ST3GAL3: variants seen among roughly 807,000 people sequenced by gnomAD.
ST3GAL3 encodes the protein ST3 beta-galactoside alpha-2,3-sialyltransferase 3.
Under a neutral mutation model 50.1 loss-of-function variants are expected in ST3GAL3, and 21 were observed. The observed-to-expected ratio is 0.42, with a 90% CI of 0.30 to 0.60. The LOEUF is 0.60. Among genes scored for constraint, ST3GAL3 ranks in the 20% least tolerant of loss-of-function variants. The pLI, the probability that ST3GAL3 is intolerant of heterozygous loss-of-function variation, is 0.19. For synonymous variants in ST3GAL3, 183 were observed against 190.0 expected (o/e 0.96, Z 0.30); for missense variants, 353 against 489.4 (o/e 0.72, Z 2.63).
chr1:43,890,017 G>C (rs2076484174), intron 5 of ST3GAL3, among the ~76,000 whole-genome samples: 1 of 152,218 alleles, frequency 6.6e-6, no homozygotes, highest in African/African-American at 2.4e-5. Context: ...GCAGGAGGCT[G>C]AGGTGGAAGG....
intron 1 of ST3GAL3, among the ~76,000 whole-genome samples, chr1:43,724,536 A>G (rs1423770813): frequency 3.3e-5 from 5 of 152,054 alleles, no homozygotes; most frequent in Admixed American, 2.6e-4. Context: ...GAGTGTTACT[A>G]TATTTGAGGC....
At chr1:43,770,554 AGTT>A (rs1001112295) in intron 2 of ST3GAL3, among the ~76,000 whole-genome samples, 3 of 152,144 alleles carry the variant, frequency 2.0e-5, no homozygotes, top group East Asian at 1.9e-4. Context: ...TTGCTTGGAC[AGTT>A]GTTGTTTTTT....
intron 3 of ST3GAL3, among the ~76,000 whole-genome samples, chr1:43,796,389 AT>A (rs894788026): frequency 5.9e-5 from 9 of 152,330 alleles, no homozygotes; most frequent in Admixed American, 5.9e-4. Context: ...GCTTTAAGTT[AT>A]TTATGGACTT....
At chr1:43,824,610 T>A (rs1449356218) in intron 4 of ST3GAL3, 1 of 1,157,444 alleles carries the variant, frequency 8.6e-7, no homozygotes, top group African/African-American at 1.5e-5. Flanking sequence ...ATTGCAGGAT[T>A]TGGCTAGGTT....
chr1:43,712,274 G>C (rs149868781), intron 1 of ST3GAL3, among the ~76,000 whole-genome samples: 1 of 152,292 alleles, frequency 6.6e-6, no homozygotes, highest in East Asian at 1.9e-4. Flanking sequence ...ATCAGGTAAG[G>C]AGCCCTCAGA....
chr1:43,814,294 C>T (rs968659916), intron 3 of ST3GAL3, among the ~76,000 whole-genome samples: 19 of 152,208 alleles, frequency 1.2e-4, no homozygotes, highest in Admixed American at 2.6e-4. Flanking sequence ...GCTTCAACCT[C>T]ATTTTAGAAT....
At chr1:43,789,147 G>T (rs1289929603) in intron 2 of ST3GAL3, among the ~76,000 whole-genome samples, 2 of 152,168 alleles carry the variant, frequency 1.3e-5, no homozygotes, top group Non-Finnish European at 2.9e-5. Context: ...TTTTATTAAA[G>T]AACAGAGACA....
At chr1:43,833,487 G>A (rs987132772) in intron 4 of ST3GAL3, among the ~76,000 whole-genome samples, 1 of 152,074 alleles carries the variant, frequency 6.6e-6, no homozygotes, top group Non-Finnish European at 1.5e-5. Context: ...GCCAGACACC[G>A]TACTCAGTGC....
chr1:43,880,712 GT>G (rs917451778), intron 5 of ST3GAL3, among the ~76,000 whole-genome samples: 1 of 152,048 alleles, frequency 6.6e-6, no homozygotes, highest in Non-Finnish European at 1.5e-5. Context: ...CCTGCAGTTG[GT>G]TCTGTCCTCT....
intron 4 of ST3GAL3, among the ~76,000 whole-genome samples, chr1:43,823,019 C>G (rs1042505238): frequency 3.3e-5 from 5 of 152,206 alleles, no homozygotes; most frequent in Non-Finnish European, 5.9e-5. Flanking sequence ...AATCTGATAT[C>G]AGCAAACCTT....
rs1571527910 is a variant in ST3GAL3 at position 43,920,694 on chromosome 1, C to T, written c.892-88C>T. 20 of 1,611,428 alleles carry T rather than the reference C, an allele frequency of 1.2e-5. No homozygotes were observed. The South Asian group carries it at 1.5e-4, about 12-fold the overall frequency. The stretch of plus-strand genomic sequence containing the variant: ...CTCAGTCCTTGGGCATGGAGGCTAG[C>T]TCTAGGGAGCTTGGCTGAAGTCTCA... On this transcript the variant is annotated intron_variant, in intron 10 of 11. Coordinates refer to ENST00000347631, the MANE Select transcript of ST3GAL3 (RefSeq NM_006279.5).
At chr1:43,776,188 C>G (rs1697167127) in intron 2 of ST3GAL3, among the ~76,000 whole-genome samples, 1 of 152,182 alleles carries the variant, frequency 6.6e-6, no homozygotes, top group Admixed American at 6.5e-5. Context: ...AGAAATCCTG[C>G]AGCCATTTGC....
At chr1:43,858,253 A>G (rs951282048) in intron 5 of ST3GAL3, 6 of 1,288,896 alleles carry the variant, frequency 4.7e-6, no homozygotes, top group Non-Finnish European at 6.1e-6. Flanking sequence ...GAGTGATGAG[A>G]GATTGACTGG....
At position 43,899,545 on chromosome 1, in the gene ST3GAL3, A is replaced by C. The variant is rs894527014; in HGVS notation, c.562A>C (p.Asn188His). The C allele has an allele frequency of 1.1e-5, 17 of 1,612,906 alleles. No homozygotes were observed. The highest frequency in any genetic ancestry group is 1.4e-5 in the Non-Finnish European group (16 of 1,180,030). ...IDDYDIVVRL[N>H]SAPVKGFEKD... is the part of the protein sequence containing the mutation. ...GAGTGGGCCTGCTCTCTGTAGACTG[A>C]ATTCAGCACCAGTGAAAGGCTTTGA... The change falls in exon 9 of 12, where the codon AAT becomes CAT. Residue 188 changes from asparagine to histidine, a missense_variant. Transcript: ENST00000347631. The surrounding 1 kb of genome is among the most constrained non-coding windows in gnomAD (Gnocchi z 5.4).
rs537778059 is a variant in ST3GAL3 at position 43,791,954 on chromosome 1, G to A, written c.119-148G>A. On this transcript the variant is annotated intron_variant, in intron 2 of 11. Coordinates refer to ENST00000347631, the MANE Select transcript of ST3GAL3 (RefSeq NM_006279.5). ...CAGGGTCTCCTGGCTCAGTGGATGGGTGGGCATGGGCCTGGGAGGCTGGGC... is the reference window on the plus strand; with the variant it reads ...CAGGGTCTCCTGGCTCAGTGGATGGATGGGCATGGGCCTGGGAGGCTGGGC... The A allele has an allele frequency of 8.5e-5, 75 of 878,850 alleles. 1 individual carries two copies. The highest frequency in any genetic ancestry group is 6.2e-4 in the Admixed American group (32 of 51,908). 54.4% of individuals were successfully genotyped at this position (878,850 alleles called of 1,614,324 possible). A position where few individuals can be genotyped will look rare whatever the true frequency, so the allele number is the denominator to read the frequency against.
chr1:43,834,808 T>G (rs1428521503), intron 4 of ST3GAL3, among the ~76,000 whole-genome samples: 1 of 152,228 alleles, frequency 6.6e-6, no homozygotes, highest in Non-Finnish European at 1.5e-5. Context: ...GATGCGATTC[T>G]TGGAATTACA....
rs1174010653 is a variant in ST3GAL3, at chr1:43,836,741, C to T, written c.210-1478C>T. 2.6e-5 allele frequency among the ~76,000 whole-genome samples: 4 copies of T among 152,212 alleles called. No individual in the cohort carries two copies. In the South Asian group the frequency reaches 8.3e-4, roughly 32 times the overall value. ...CCCCAGCATGCAGGGCCTCCAGCCC[C>T]GGCAGTCACGGAGCCCATTCACTGA... On this transcript the variant is annotated intron_variant, in intron 4 of 11. Transcript: ENST00000347631.
At chr1:43,758,748 C>G (rs1409724753) in intron 2 of ST3GAL3, among the ~76,000 whole-genome samples, 1 of 152,018 alleles carries the variant, frequency 6.6e-6, no homozygotes, top group Non-Finnish European at 1.5e-5. Flanking sequence ...TAGAAGAGGT[C>G]AGGCATGATA....
chr1:43,875,897 C>CTCTTCTTCTTCTTCTTCT (rs66500354), intron 5 of ST3GAL3, among the ~76,000 whole-genome samples: 2 of 134,026 alleles, frequency 1.5e-5, no homozygotes, highest in South Asian at 2.7e-4. Context: ...TTTAGAATTT[C>CTCTTCTTCTTCTTCTTCT]TCTTCTTCTT....
Sources: gnomAD v4.1 joint callset for allele counts (sites outside exome capture counted in the v4.1 genomes callset) on GRCh38, gnomAD v4.1.1 for gene constraint, Gnocchi (gnomAD v3.1) non-coding constraint, MANE v1.5 for transcripts, NCBI Gene and HGNC (gene_info 2026-07-23, HGNC 2026-07-21) for gene names.